TMCO5A: variants seen among roughly 807,000 people sequenced by gnomAD.
The protein encoded by TMCO5A is transmembrane and coiled-coil domain-containing protein 5A.
In TMCO5A, 34 loss-of-function variants were observed where a neutral mutation model predicts 42.3. The ratio of observed to expected loss-of-function variants is 0.80; its 90% confidence interval spans 0.61 to 1.07. TMCO5A has a LOEUF of 1.07. TMCO5A is among the 50% of genes least tolerant of loss of function. The probability of loss-of-function intolerance (pLI) is 0.00; values close to 1 mark genes in which losing one functional copy is unlikely to be tolerated. For missense variants in TMCO5A, 357 were observed against 327.9 expected (o/e 1.09, Z -0.69); for synonymous variants, 131 against 115.6 (o/e 1.13, Z -0.86).
intron 11 of TMCO5A, among the ~76,000 whole-genome samples, chr15:37,963,765 A>C (rs1263726595): frequency 6.6e-6 from 1 of 152,096 alleles, no homozygotes; most frequent in East Asian, 1.9e-4. Context: ...TAGGATTGTG[A>C]TATTTTCCTG....
downstream of TMCO5A, among the ~76,000 whole-genome samples, chr15:37,969,140 A>G (rs1442337326): frequency 6.6e-6 from 1 of 152,196 alleles, no homozygotes; most frequent in African/African-American, 2.4e-5. Flanking sequence ...GTCCAATAAG[A>G]GGTGACATTA....
At chr15:37,944,029 G>C (rs372439000) in intron 10 of TMCO5A, 28 of 152,174 alleles carry the variant, frequency 1.8e-4, no homozygotes, top group African/African-American at 6.3e-4. Context: ...GTTAAACTTT[G>C]GTTGGGCTTT....
chr15:37,956,039 GAAACCA>G (rs1890281089), downstream of TMCO5A, among the ~76,000 whole-genome samples: 2 of 152,232 alleles, frequency 1.3e-5, no homozygotes, highest in African/African-American at 4.8e-5. Flanking sequence ...CAAGTTCTTT[GAAACCA>G]ATGAGAACAA....
At chr15:38,007,095 A>G in the TMCO5A span, among the ~76,000 whole-genome samples, 103 of 152,352 alleles carry the variant, frequency 6.8e-4, no homozygotes, top group African/African-American at 2.4e-3. Context: ...TCATTAAAAA[A>G]TGCCATAACT....
At chr15:38,032,924 CTCTTT>C in the TMCO5A span, among the ~76,000 whole-genome samples, 4 of 126,042 alleles carry the variant, frequency 3.2e-5, no homozygotes, top group African/African-American at 8.9e-5. Flanking sequence ...GAAATTTGGT[CTCTTT>C]TTTTTTTTTT....
the TMCO5A span, among the ~76,000 whole-genome samples, chr15:38,027,424 T>C: frequency 6.6e-6 from 1 of 152,216 alleles, no homozygotes; most frequent in African/African-American, 2.4e-5. Context: ...TTGGAATGGC[T>C]GTATTTACCC....
At chr15:37,970,373 C>T (rs991880172), downstream of TMCO5A, among the ~76,000 whole-genome samples, 2 of 152,200 alleles carry the variant, frequency 1.3e-5, no homozygotes, top group African/African-American at 4.8e-5. Flanking sequence ...AAGAACAGCA[C>T]AAGAAAGACC....
downstream of TMCO5A, among the ~76,000 whole-genome samples, chr15:37,968,899 TA>T (rs1475876876): frequency 6.6e-6 from 1 of 152,132 alleles, no homozygotes; most frequent in Non-Finnish European, 1.5e-5. Context: ...CATTTCAAAA[TA>T]ATTATTTATC....
At chr15:37,946,398 A>T (rs1482713782) in intron 10 of TMCO5A, among the ~76,000 whole-genome samples, 1 of 152,082 alleles carries the variant, frequency 6.6e-6, no homozygotes, top group Admixed American at 6.6e-5. Context: ...ATTCTGTGAA[A>T]AATGTCAATA....
At chr15:37,967,765 C>T (rs189320461), downstream of TMCO5A, 150 of 152,216 alleles carry the variant, frequency 9.9e-4, no homozygotes, top group African/African-American at 3.5e-3. Context: ...TGAAGTTATT[C>T]CTCGCTCCTA....
At chr15:37,988,849 T>C in the TMCO5A span, among the ~76,000 whole-genome samples, 1 of 152,042 alleles carries the variant, frequency 6.6e-6, no homozygotes, top group Non-Finnish European at 1.5e-5. Context: ...ATCAGGACAA[T>C]GCTGGCCTCA....
At chr15:37,977,108 T>C in the TMCO5A span, among the ~76,000 whole-genome samples, 1 of 152,204 alleles carries the variant, frequency 6.6e-6, no homozygotes, top group Admixed American at 6.6e-5. Flanking sequence ...GCCTTTTATC[T>C]CCTCTATCAT....
chr15:37,999,265 T>C, the TMCO5A span, among the ~76,000 whole-genome samples: 98 of 152,202 alleles, frequency 6.4e-4, 1 homozygote, highest in Non-Finnish European at 8.5e-4. Context: ...TAAGTTTACA[T>C]CTAGGTATTT....
the TMCO5A span, among the ~76,000 whole-genome samples, chr15:37,973,464 G>T: frequency 6.6e-6 from 1 of 152,076 alleles, no homozygotes; most frequent in Non-Finnish European, 1.5e-5. Flanking sequence ...GCAGGGTTTT[G>T]TAATTCTCAT....
intron 9 of TMCO5A, chr15:37,943,035 T>G (rs1889805104): frequency 8.1e-6 from 2 of 245,980 alleles, no homozygotes; most frequent in African/African-American, 4.6e-5. Context: ...TCACTCAAGA[T>G]CCCTGCTGAA....
the TMCO5A span, among the ~76,000 whole-genome samples, chr15:38,001,662 ATCTGTTG>A: frequency 1.3e-5 from 2 of 151,694 alleles, no homozygotes; most frequent in Non-Finnish European, 2.9e-5. Flanking sequence ...GTTTTGGTAC[ATCTGTTG>A]CATGTTTTTT....
chr15:37,948,604 G>A (rs1387189592), intron 11 of TMCO5A, among the ~76,000 whole-genome samples: 1 of 152,096 alleles, frequency 6.6e-6, no homozygotes, highest in African/African-American at 2.4e-5. Context: ...GGAATTGACT[G>A]TGTGGATTTC....
At chr15:37,941,613 C>A in intron 7 of TMCO5A, 58 bp from the exon 8 acceptor site, 2 of 1,263,804 alleles carry the variant, frequency 1.6e-6, no homozygotes, top group Non-Finnish European at 2.3e-6. Flanking sequence ...AACAAGTATG[C>A]TTGTGTTCTT....
chr15:37,962,786 G>C (rs1890462279), intron 11 of TMCO5A, among the ~76,000 whole-genome samples: 1 of 152,030 alleles, frequency 6.6e-6, no homozygotes, highest in African/African-American at 2.4e-5. Context: ...TATCTTTCCA[G>C]GAATTTATCG....
Sources: allele counts gnomAD v4.1 joint callset (sites outside exome capture counted in the v4.1 genomes callset), GRCh38; gene constraint gnomAD v4.1.1; transcripts MANE v1.5; gene names NCBI Gene and HGNC (gene_info 2026-07-23, HGNC 2026-07-21).